Variants in R3HDM2 observed in about 807,000 individuals in gnomAD.
The protein encoded by R3HDM2 is R3H domain-containing protein 2.
In R3HDM2, 38 loss-of-function variants were observed where a neutral mutation model predicts 124.5. The observed-to-expected ratio is 0.31, with a 90% CI of 0.24 to 0.40. R3HDM2 has a LOEUF of 0.40. Ranked by LOEUF, R3HDM2 falls within the 10% of genes least tolerant of loss-of-function variation. The probability of loss-of-function intolerance (pLI) is 1.00; values close to 1 mark genes in which losing one functional copy is unlikely to be tolerated. For synonymous variants in R3HDM2, 391 were observed against 448.0 expected, an observed-to-expected ratio of 0.87 and a Z score of 1.61; for missense variants, 869 against 1,236.9, an observed-to-expected ratio of 0.70 and a Z score of 4.46.
chr12:57,256,888 G>A (rs1383173650), intron 21 of R3HDM2, among the ~76,000 whole-genome samples: 2 of 150,630 alleles, frequency 1.3e-5, no homozygotes, highest in African/African-American at 2.5e-5. Flanking sequence ...GCATGATCTC[G>A]GCTCACTGCA....
Position 57,280,479 on chromosome 12 carries a change from G to C in R3HDM2, c.1223C>G (p.Ser408Cys), listed in dbSNP as rs1409237928. ...AGTACAAGGGAGAAGCCCCCGGACA[G>C]ACTGGGATGAGGTGACCTGGTTGCA... ...EVCNQVTSSQSVRGLLPCTAQ... is the reference protein window; with the variant it reads ...EVCNQVTSSQCVRGLLPCTAQ... Residue 408 changes from serine to cysteine, a missense_variant, in exon 14 of 24, where the codon TCT (serine) becomes TGT (cysteine). Ser to Cys is a moderately radical substitution (Grantham distance 112). Transcript: ENST00000402412. 1 of 1,613,784 alleles carries C rather than the reference G, an allele frequency of 6.2e-7. No homozygotes were observed. Among genetic ancestry groups the C allele is most frequent in the African/African-American group, 1.3e-5 (1 of 74,924 alleles).
intron 19 of R3HDM2, among the ~76,000 whole-genome samples, chr12:57,260,594 G>T (rs755231763): frequency 2.0e-5 from 3 of 152,096 alleles, no homozygotes; most frequent in Non-Finnish European, 2.9e-5. Context: ...TCCCCGCAAG[G>T]GATTGTCTAG....
chr12:57,259,129 T>G, intron 19 of R3HDM2, 70 bp from the exon 20 acceptor site: 1 of 1,516,122 alleles, frequency 6.6e-7, no homozygotes, highest in Non-Finnish European at 9.0e-7. Flanking sequence ...TAGCCCTGAG[T>G]GGGAAAGCAG....
At chr12:57,418,665 T>C (rs541111383) in intron 1 of R3HDM2, among the ~76,000 whole-genome samples, 2 of 152,146 alleles carry the variant, frequency 1.3e-5, no homozygotes, top group Admixed American at 6.5e-5. Flanking sequence ...TTCAAGTGAT[T>C]CTCCTGCCTC....
chr12:57,398,271 C>G (rs770646410), intron 1 of R3HDM2, among the ~76,000 whole-genome samples: 5 of 151,832 alleles, frequency 3.3e-5, no homozygotes, highest in Non-Finnish European at 5.9e-5. Flanking sequence ...ACCTGCAATT[C>G]TAAACAGTGT....
intron 2 of R3HDM2, among the ~76,000 whole-genome samples, chr12:57,344,730 GGAAA>G (rs1312902006): frequency 5.3e-5 from 8 of 152,050 alleles, no homozygotes; most frequent in African/African-American, 1.9e-4. Context: ...AAATGACAGG[GGAAA>G]GAGTCAATGA....
chr12:57,256,006 C>T lies in R3HDM2; in HGVS notation c.2616G>A (p.Leu872=). 6.2e-7 allele frequency: 1 copy of T among 1,613,454 alleles called. No homozygotes were observed. The highest frequency in any genetic ancestry group is 1.7e-5 in the Admixed American group (1 of 59,960). ...RQALKSASTD[L]GTADVVLGRV... is the part of the protein sequence containing the mutation. ...GTGACTCACCAACATCTGCTGTCCC[C>T]AGGTCAGTGGAGGCAGATTTGAGTG... Residue 872 remains leucine (L), a synonymous_variant, in exon 23 of 24, where the codon CTG becomes CTA. Transcript: ENST00000402412.
intron 1 of R3HDM2, among the ~76,000 whole-genome samples, chr12:57,429,280 C>T (rs1194990980): frequency 6.6e-6 from 1 of 152,060 alleles, no homozygotes; most frequent in African/African-American, 2.4e-5. Context: ...ACAAATGGAA[C>T]TTCAACTCTG....
chr12:57,382,696 C>A (rs746048788), intron 2 of R3HDM2, among the ~76,000 whole-genome samples: 1 of 151,376 alleles, frequency 6.6e-6, no homozygotes, highest in Non-Finnish European at 1.5e-5. Flanking sequence ...ATTAGCCAGG[C>A]GTGGTGGCAG....
At position 57,345,500 on chromosome 12, in the gene R3HDM2, T is replaced by TAC. The variant is rs55903347; in HGVS notation, c.-35-35039_-35-35038dup. Among the ~76,000 whole-genome samples, 756 of 147,624 alleles carry TAC rather than the reference T, an allele frequency of 5.1e-3. 7 individuals are homozygous for TAC. The highest frequency in any genetic ancestry group is 0.017 in the African/African-American group (680 of 39,840). On this transcript the variant is annotated intron_variant, in intron 2 of 23. Coordinates refer to ENST00000402412, the MANE Select transcript of R3HDM2 (RefSeq NM_001394031.1). ...TTCAAATGGCTTCATATTTCTTTTA[T>TAC]ACACACACACACACACACACACACA... is the stretch of plus-strand genomic sequence containing the variant.
At chr12:57,274,105 A>T (rs1174803570) in intron 14 of R3HDM2, among the ~76,000 whole-genome samples, 1 of 152,138 alleles carries the variant, frequency 6.6e-6, no homozygotes, top group East Asian at 1.9e-4. Context: ...ATTTTCTATT[A>T]TCCCAATTCT....
At chr12:57,372,244 A>G (rs1340098009) in intron 2 of R3HDM2, among the ~76,000 whole-genome samples, 2 of 152,176 alleles carry the variant, frequency 1.3e-5, no homozygotes, top group Non-Finnish European at 2.9e-5. Flanking sequence ...CAGGTATGTC[A>G]TCCAAGTTGA....
chr12:57,326,999 T>C (rs980268131), intron 2 of R3HDM2, among the ~76,000 whole-genome samples: 3 of 140,774 alleles, frequency 2.1e-5, no homozygotes, highest in Non-Finnish European at 4.7e-5. Flanking sequence ...AAAAAAAAAA[T>C]ATTCCTTTTA....
chr12:57,426,222 C>T (rs2070729020), intron 1 of R3HDM2, among the ~76,000 whole-genome samples: 1 of 151,926 alleles, frequency 6.6e-6, no homozygotes, highest in Admixed American at 6.6e-5. Flanking sequence ...AGCGAGACTC[C>T]ATCTCAAAAA....
intron 2 of R3HDM2, among the ~76,000 whole-genome samples, chr12:57,319,034 A>G (rs1326647544): frequency 1.3e-5 from 2 of 152,198 alleles, no homozygotes; most frequent in Non-Finnish European, 2.9e-5. Context: ...CCAAAGACAC[A>G]AGGGAATCAT....
chr12:57,264,088 A>T (rs2041624433), intron 19 of R3HDM2, among the ~76,000 whole-genome samples: 1 of 151,938 alleles, frequency 6.6e-6, no homozygotes, highest in Non-Finnish European at 1.5e-5. Context: ...CTAAAAATTT[A>T]AAAATTAGCC....
At chr12:57,427,561 G>T (rs1287981906) in intron 1 of R3HDM2, among the ~76,000 whole-genome samples, 1 of 151,088 alleles carries the variant, frequency 6.6e-6, no homozygotes, top group Non-Finnish European at 1.5e-5. Flanking sequence ...TGTTGGCCAG[G>T]CTGGTCTCGA....
intron 2 of R3HDM2, among the ~76,000 whole-genome samples, chr12:57,360,042 T>TAC (rs1235211302): frequency 7.5e-5 from 6 of 80,090 alleles, no homozygotes; most frequent in South Asian, 3.6e-4. Context: ...TATATATATA[T>TAC]ATATATTTTT....
chr12:57,405,203 A>T (rs1342794906), intron 1 of R3HDM2, among the ~76,000 whole-genome samples: 1 of 152,096 alleles, frequency 6.6e-6, no homozygotes, highest in Non-Finnish European at 1.5e-5. Flanking sequence ...GTAATTTAAA[A>T]AATTTTTTGT....
Sources: allele counts gnomAD v4.1 joint callset (sites outside exome capture counted in the v4.1 genomes callset), GRCh38; gene constraint gnomAD v4.1.1; transcripts MANE v1.5; gene names NCBI Gene and HGNC (gene_info 2026-07-23, HGNC 2026-07-21).